The following HTT variants were observed in gnomAD, a reference collection of about 807,000 sequenced individuals.
HTT encodes huntingtin, also known as huntington disease protein.
HTT carries 104 observed loss-of-function variants against 362.3 expected under a neutral mutation model. That is an observed-to-expected ratio of 0.29 (90% CI 0.24 to 0.34). The LOEUF (loss-of-function observed/expected upper bound fraction) is 0.34. Ranked by LOEUF, HTT falls within the 10% of genes least tolerant of loss-of-function variation. The pLI is 1.00. For synonymous variants in HTT, 1,577 were observed against 1,548.7 expected (o/e 1.02, Z -0.43); for missense variants, 3,301 against 3,928.6 (o/e 0.84, Z 4.27).
intron 18 of HTT, among the ~76,000 whole-genome samples, chr4:3,134,009 A>G (rs1715950037): frequency 6.6e-6 from 1 of 152,082 alleles, no homozygotes; most frequent in African/African-American, 2.4e-5. Context: ...ACATAGTGAC[A>G]TAGTGGGGTG....
At chr4:3,182,125 T>C (rs1222344157) in intron 36 of HTT, among the ~76,000 whole-genome samples, 2 of 152,236 alleles carry the variant, frequency 1.3e-5, no homozygotes, top group Non-Finnish European at 2.9e-5. Context: ...CTGAGCAAAG[T>C]GTGCACCTTG....
intron 29 of HTT, among the ~76,000 whole-genome samples, chr4:3,171,472 C>CTT (rs11408847): frequency 4.7e-4 from 63 of 132,990 alleles, no homozygotes; most frequent in African/African-American, 1.5e-3. Context: ...TTTCTTGATT[C>CTT]TTTTTTTTTT....
At chr4:3,239,765 T>G (rs1721719699) in intron 66 of HTT, 81 bp from the exon 67 acceptor site, 2 of 1,177,220 alleles carry the variant, frequency 1.7e-6, no homozygotes, top group Non-Finnish European at 2.5e-6. Flanking sequence ...GTAGACTGTT[T>G]CAGGAGAGGA....
intron 1 of HTT, among the ~76,000 whole-genome samples, chr4:3,081,627 C>T (rs1290194246): frequency 2.8e-5 from 4 of 140,482 alleles, no homozygotes; most frequent in Non-Finnish European, 6.0e-5. Flanking sequence ...GGCGCGATCT[C>T]GGCTCACTGC....
intron 64 of HTT, among the ~76,000 whole-genome samples, chr4:3,237,002 G>C (rs1399793877): frequency 6.6e-6 from 1 of 152,122 alleles, no homozygotes; most frequent in African/African-American, 2.4e-5. Flanking sequence ...GGTGGACCTT[G>C]CTCCACTGTT....
rs1372502030 is a variant in HTT at position 3,241,223 on chromosome 4, CTGTTAG to C, written c.*1167_*1172del. The C allele has an allele frequency of 2.0e-5, 3 of 152,438 alleles. No homozygotes were observed. The highest frequency in any genetic ancestry group is 4.4e-5 in the Non-Finnish European group (3 of 68,148). The allele number at this position is 152,438 out of a possible 1,614,324, so 9.4% of individuals were successfully genotyped here. On this transcript the variant is annotated 3_prime_UTR_variant, in exon 67 of 67. Transcript: ENST00000355072. ...AACAGCAAAGCTTGGTGTCTTGGCA[CTGTTAG>C]TGACAGAGCCCAGCATCCCTTCTGC...
intron 1 of HTT, among the ~76,000 whole-genome samples, chr4:3,080,371 A>G (rs1712827996): frequency 6.7e-6 from 1 of 149,700 alleles, no homozygotes; most frequent in African/African-American, 2.5e-5. Context: ...CTGGGATTAC[A>G]GGTTTGGGCC....
At chr4:3,090,773 C>T (rs1713458927) in intron 2 of HTT, among the ~76,000 whole-genome samples, 1 of 152,152 alleles carries the variant, frequency 6.6e-6, no homozygotes. Flanking sequence ...TATTTTTGAA[C>T]TTGTTCACTG....
At chr4:3,217,309 C>T (rs896032865) in intron 51 of HTT, among the ~76,000 whole-genome samples, 1 of 152,194 alleles carries the variant, frequency 6.6e-6, no homozygotes, top group African/African-American at 2.4e-5. Flanking sequence ...ATGCCCCAAG[C>T]CCCTCAAGCA....
intron 27 of HTT, among the ~76,000 whole-genome samples, chr4:3,156,491 G>C (rs547736499): frequency 2.0e-5 from 3 of 152,254 alleles, no homozygotes; most frequent in Admixed American, 6.5e-5. Flanking sequence ...CTGTTGAAAA[G>C]CCTCAGCCTT....
intron 6 of HTT, 140 bp downstream of exon 6, chr4:3,107,563 T>C: frequency 2.5e-6 from 2 of 787,094 alleles, no homozygotes; most frequent in Non-Finnish European, 4.1e-6. Flanking sequence ...TACCATCATT[T>C]GTGTTATTTT....
intron 66 of HTT, 63 bp from the exon 67 acceptor site, chr4:3,239,783 G>C: frequency 1.5e-6 from 2 of 1,316,608 alleles, no homozygotes; most frequent in Non-Finnish European, 2.1e-6. Context: ...GGAACTCCCA[G>C]GTGAGGACAG....
At position 3,215,150 on chromosome 4, in the gene HTT, A is replaced by G. The variant is rs761208465; in HGVS notation, c.6993A>G (p.Arg2331=). The G allele has an allele frequency of 6.2e-7, 1 of 1,614,210 alleles. No individual in the cohort carries two copies. The highest frequency in any genetic ancestry group is 1.7e-5 in the Admixed American group (1 of 60,026). ...QPGEQLLSPE[R]RTNTPKAISE... is the part of the protein sequence containing the mutation. The stretch of plus-strand genomic sequence containing the variant: ...GAGAGCAGCTTCTTAGTCCAGAAAG[A>G]AGGACAAATACCCCAAAAGCCATCA... The change falls in exon 51 of 67, where the codon AGA becomes AGG. Residue 2331 remains arginine (R), a synonymous_variant. Transcript: ENST00000355072.
Position 3,228,885 on chromosome 4 carries a change from A to G in HTT, c.7985A>G (p.His2662Arg). 6.2e-7 allele frequency: 1 copy of G among 1,612,732 alleles called. No individual in the cohort carries two copies. The highest frequency in any genetic ancestry group is 8.5e-7 in the Non-Finnish European group (1 of 1,178,874). ...CCATCTCGCATATTCCACAGGAAACACCGGGCTGGAGTTGACATCCACTCC... is the reference window on the plus strand; with the variant it reads ...CCATCTCGCATATTCCACAGGAAACGCCGGGCTGGAGTTGACATCCACTCC... ...PPTSPVNSRKHRAGVDIHSCS... is the reference protein window; with the variant it reads ...PPTSPVNSRKRRAGVDIHSCS... The change falls in exon 59 of 67, where the codon CAC (histidine) becomes CGC (arginine). Residue 2662 changes from histidine to arginine, a missense_variant. By Grantham distance (29) the His-to-Arg change is conservative. Transcript: ENST00000355072. The surrounding 1 kb of genome is among the most constrained non-coding windows in gnomAD (Gnocchi z 4.3).
rs750385475 is a variant in HTT, at chr4:3,212,728, G to T, written c.6774+19G>T. 5.6e-6 allele frequency: 9 copies of T among 1,613,966 alleles called. No individual in the cohort carries two copies. The highest frequency in any genetic ancestry group is 7.6e-6 in the Non-Finnish European group (9 of 1,179,860). ...CCTTGAGGTAAGAGGCAGCTCGGGA[G>T]CTCAGTGTTGCTGTGGGGAGGGGGC... On this transcript the variant is annotated intron_variant, in intron 49 of 66. Transcript: ENST00000355072.
At chr4:3,177,792 A>G (rs1443401919) in intron 34 of HTT, among the ~76,000 whole-genome samples, 1 of 152,214 alleles carries the variant, frequency 6.6e-6, no homozygotes, top group East Asian at 1.9e-4. Context: ...AGGTTTTAAT[A>G]CTTCTTGCTA....
At chr4:3,148,276 T>G (rs1039756648) in intron 26 of HTT, 69 bp downstream of exon 26, 77 of 1,132,520 alleles carry the variant, frequency 6.8e-5, no homozygotes, top group South Asian at 5.1e-4. Context: ...TACCTTTGTT[T>G]AGTAATCTGT....
chr4:3,239,898 C>A lies in HTT; in HGVS notation c.9268C>A (p.Leu3090Ile). The part of the protein sequence containing the change: ...MGKLEQVDVN[L>I]FCLVATDFYR... ...CAAGCTGGAGCAGGTGGACGTGAAC[C>A]TTTTCTGCCTGGTCGCCACAGACTT... Residue 3090 changes from leucine (L) to isoleucine (I), a missense_variant, in exon 67 of 67, where the codon CTT (leucine) becomes ATT (isoleucine). Around this residue, in one of 4 missense-constraint regions of HTT, gnomAD observed 753 missense variants for 1,021.3 expected, o/e 0.74. Coordinates refer to ENST00000355072, the MANE Select transcript of HTT (RefSeq NM_001388492.1). 4 of 1,572,740 alleles carry A rather than the reference C, an allele frequency of 2.5e-6. No individual in the cohort carries two copies. The highest frequency in any genetic ancestry group is 3.5e-6 in the Non-Finnish European group (4 of 1,157,988).
rs957114085 is a variant in HTT at position 3,222,815 on chromosome 4, T to C, written c.7470+328T>C. Reference sequence around the variant, plus strand: ...AGGTTGAATTAAAATGAAAAGGCACTTTATAAAGGCCATGAGTAGTACCTG... The same window carrying C: ...AGGTTGAATTAAAATGAAAAGGCACCTTATAAAGGCCATGAGTAGTACCTG... On this transcript the variant is annotated intron_variant, in intron 54 of 66. Coordinates refer to ENST00000355072, the MANE Select transcript of HTT (RefSeq NM_001388492.1). Among the ~76,000 whole-genome samples, 10 of 152,300 alleles carry C rather than the reference T, an allele frequency of 6.6e-5. No homozygotes were observed. In the South Asian group the frequency reaches 1.2e-3, roughly 19 times the overall value.
Sources: gnomAD v4.1 joint callset for allele counts (sites outside exome capture counted in the v4.1 genomes callset) on GRCh38, gnomAD v4.1.1 for gene constraint, gnomAD v4.1.1 regional missense constraint, Gnocchi (gnomAD v3.1) non-coding constraint, MANE v1.5 for transcripts, NCBI Gene and HGNC (gene_info 2026-07-23, HGNC 2026-07-21) for gene names.